FMN2: variants seen among roughly 807,000 people sequenced by gnomAD.
FMN2 encodes the protein formin-2.
In FMN2, 51 loss-of-function variants were observed where a neutral mutation model predicts 142.3. That is an observed-to-expected ratio of 0.36 (90% CI 0.29 to 0.45). FMN2 has a LOEUF of 0.45. Among genes scored for constraint, FMN2 ranks in the 20% least tolerant of loss-of-function variants. FMN2 has a pLI of 1.00. For synonymous variants in FMN2, 882 were observed against 869.8 expected, an observed-to-expected ratio of 1.01 and a Z score of -0.25; for missense variants, 1,936 against 2,122.8, an observed-to-expected ratio of 0.91 and a Z score of 1.73.
At chr1:240,317,647 T>C (rs1022315606) in intron 8 of FMN2, among the ~76,000 whole-genome samples, 2 of 152,226 alleles carry the variant, frequency 1.3e-5, no homozygotes, top group Non-Finnish European at 2.9e-5. Flanking sequence ...TTTCACCTAC[T>C]GAAAGGCATT....
chr1:240,300,336 G>A (rs11585848), intron 8 of FMN2, among the ~76,000 whole-genome samples: 11,542 of 152,212 alleles, frequency 0.076, 510 homozygotes, highest in Admixed American at 0.12. Flanking sequence ...CGGGAGCTCA[G>A]CATGGTAGAA....
intron 2 of FMN2, among the ~76,000 whole-genome samples, chr1:240,167,143 A>T (rs1664513242): frequency 6.6e-6 from 1 of 152,180 alleles, no homozygotes; most frequent in Non-Finnish European, 1.5e-5. Context: ...ATAACAAAAA[A>T]CAAAAAAAAC....
chr1:240,176,551 A>T (rs1664921011), intron 2 of FMN2, among the ~76,000 whole-genome samples: 1 of 152,180 alleles, frequency 6.6e-6, no homozygotes, highest in South Asian at 2.1e-4. Flanking sequence ...CCTGAGTTTT[A>T]TCCTTTTTAA....
At chr1:240,189,928 A>G (rs1049272410) in intron 4 of FMN2, among the ~76,000 whole-genome samples, 1 of 152,230 alleles carries the variant, frequency 6.6e-6, no homozygotes, top group Non-Finnish European at 1.5e-5. Context: ...AAAGGGATAC[A>G]TTAAGTTTTT....
intron 6 of FMN2, among the ~76,000 whole-genome samples, chr1:240,237,333 G>A (rs2102860502): frequency 6.6e-6 from 1 of 152,300 alleles, no homozygotes; most frequent in East Asian, 1.9e-4. Context: ...AGTTGTTCAA[G>A]TCAGCCTTGA....
intron 2 of FMN2, among the ~76,000 whole-genome samples, chr1:240,146,417 G>A (rs1206510221): frequency 1.4e-5 from 2 of 139,246 alleles, no homozygotes; most frequent in East Asian, 2.1e-4. Context: ...AAAAAAAATA[G>A]TATGGCCAGG....
At chr1:240,243,281 T>C (rs1045119342) in intron 6 of FMN2, among the ~76,000 whole-genome samples, 1 of 152,224 alleles carries the variant, frequency 6.6e-6, no homozygotes, top group African/African-American at 2.4e-5. Context: ...AAAAGGCTCA[T>C]GGTTCCTGAT....
chr1:240,154,129 A>AAAGAAAAAAG (rs3047194), intron 2 of FMN2, among the ~76,000 whole-genome samples: 1 of 102,154 alleles, frequency 9.8e-6, no homozygotes, highest in Non-Finnish European at 2.0e-5. Context: ...AAAAAAAAAA[A>AAAGAAAAAAG]AAGTGTTACT....
rs370817138 is a variant in FMN2, at chr1:240,187,970, G to T, written c.1931-237G>T. ...CAAATAAGGATAGTTGATATATAGA[G>T]AAGGGCATAGGAATATCCCAATTTT... is the stretch of plus-strand genomic sequence containing the variant. On this transcript the variant is annotated intron_variant, in intron 3 of 17. Coordinates refer to ENST00000319653, the MANE Select transcript of FMN2 (RefSeq NM_020066.5). Among the ~76,000 whole-genome samples the T allele has an allele frequency of 1.2e-3, 181 of 152,276 alleles. 4 individuals carry two copies. The South Asian group carries it at 0.027, about 23-fold the overall frequency.
chr1:240,257,999 A>G lies in FMN2; in HGVS notation c.4120A>G (p.Ser1374Gly). 1 of 1,612,770 alleles carries G rather than the reference A, an allele frequency of 6.2e-7. No homozygotes were observed. The highest frequency in any genetic ancestry group is 1.1e-5 in the South Asian group (1 of 90,626). Residue 1374 changes from serine (S) to glycine (G), a missense_variant, in exon 7 of 18, where the codon AGC becomes GGC. Around this residue, in one of 8 missense-constraint regions of FMN2, gnomAD observed 322 missense variants for 401.6 expected, o/e 0.80. Transcript: ENST00000319653. Reference sequence around the variant, plus strand: ...ACAAGCAGTTGGAATACTAATGTCTAGCCTTCATTTAGATATGAAAGACAT... The same window carrying G: ...ACAAGCAGTTGGAATACTAATGTCTGGCCTTCATTTAGATATGAAAGACAT... ...RSQAVGILMS[S>G]LHLDMKDIQH... is the part of the protein sequence containing the mutation.
intron 4 of FMN2, among the ~76,000 whole-genome samples, chr1:240,198,886 C>G (rs1028947044): frequency 2.0e-5 from 3 of 152,084 alleles, no homozygotes; most frequent in Non-Finnish European, 4.4e-5. Context: ...GTGGGCGTAT[C>G]ACGATGTCAG....
In FMN2 at chr1:240,188,856, G is replaced by A. The variant is rs562501737; in HGVS notation, c.1986+594G>A. Among the ~76,000 whole-genome samples, 13 of 152,254 alleles carry A rather than the reference G, an allele frequency of 8.5e-5. No homozygotes were observed. The East Asian group carries it at 1.7e-3, about 20-fold the overall frequency. On this transcript the variant is annotated intron_variant, in intron 4 of 17. Transcript: ENST00000319653. ...AGGCCTCACAAGTTCATGGTGGAAG[G>A]CAAGGAGAAGCAAATCACATCTTAT...
Position 240,129,605 on chromosome 1 carries a change from C to T in FMN2, c.1782+6260C>T, listed in dbSNP as rs540731583. ...GCAACCTCCGCCTCCCAGGTTCATG[C>T]GATTCTCCTGCCTCAGCCTCCTGAG... is the stretch of plus-strand genomic sequence containing the variant. On this transcript the variant is annotated intron_variant, in intron 2 of 17. Transcript: ENST00000319653. Among the ~76,000 whole-genome samples the T allele has an allele frequency of 3.3e-5, 5 of 149,822 alleles. No homozygotes were observed. In the South Asian group the frequency reaches 6.3e-4, roughly 19 times the overall value.
chr1:240,473,111 T>C lies in FMN2; in HGVS notation c.5142+658T>C, dbSNP rs1193851098. On this transcript the variant is annotated intron_variant, in intron 17 of 17. Coordinates refer to ENST00000319653, the MANE Select transcript of FMN2 (RefSeq NM_020066.5). The surrounding 1 kb of genome is among the most constrained non-coding windows in gnomAD (Gnocchi z 4.3). ...GTATTTGAGCCACGAGTGATCATTC[T>C]AATTGGATTAGATCCACTGGGATGT... Among the ~76,000 whole-genome samples the C allele has an allele frequency of 6.6e-6, 1 of 152,136 alleles. No individual in the cohort carries two copies. Among genetic ancestry groups the C allele is most frequent in the Non-Finnish European group, 1.5e-5 (1 of 68,030 alleles).
chr1:240,134,207 T>G (rs1662847742), intron 2 of FMN2, among the ~76,000 whole-genome samples: 1 of 152,216 alleles, frequency 6.6e-6, no homozygotes, highest in Non-Finnish European at 1.5e-5. Context: ...AAATATGCCT[T>G]GATTTTGTAA....
chr1:240,121,076 G>C (rs539108186), intron 1 of FMN2, among the ~76,000 whole-genome samples: 13 of 152,068 alleles, frequency 8.5e-5, no homozygotes, highest in African/African-American at 3.1e-4. Context: ...CAGGAGAATC[G>C]CTTGAACCCG....
At chr1:240,351,109 G>A (rs1274629086) in intron 13 of FMN2, among the ~76,000 whole-genome samples, 2 of 152,160 alleles carry the variant, frequency 1.3e-5, no homozygotes, top group African/African-American at 4.8e-5. Flanking sequence ...GACTTGTTCT[G>A]TGACTCATTA....
intron 17 of FMN2, 74 bp downstream of exon 17, chr1:240,472,527 A>C: frequency 5.4e-6 from 5 of 930,546 alleles, no homozygotes; most frequent in Non-Finnish European, 8.0e-6. Context: ...ATACAAACTC[A>C]TAATATTTTA....
intron 15 of FMN2, among the ~76,000 whole-genome samples, 173 bp downstream of exon 15, chr1:240,392,735 T>C (rs9730073): frequency 0.55 from 83,253 of 152,030 alleles, 24,282 homozygotes; most frequent in African/African-American, 0.75. Flanking sequence ...ATTTTTGTTA[T>C]TCTGGGTAAC....
Sources: gnomAD v4.1 joint callset for allele counts (sites outside exome capture counted in the v4.1 genomes callset) on GRCh38, gnomAD v4.1.1 for gene constraint, gnomAD v4.1.1 regional missense constraint, Gnocchi (gnomAD v3.1) non-coding constraint, MANE v1.5 for transcripts, NCBI Gene and HGNC (gene_info 2026-07-23, HGNC 2026-07-21) for gene names.